The following TTLL5 variants were observed in gnomAD, a reference collection of about 807,000 sequenced individuals.
TTLL5 encodes the protein tubulin tyrosine ligase like 5.
TTLL5 carries 132 observed loss-of-function variants against 168.4 expected under a neutral mutation model. The ratio of observed to expected loss-of-function variants is 0.78; its 90% CI spans 0.68 to 0.91. The LOEUF is 0.91. TTLL5 is among the 40% of genes least tolerant of loss of function. The pLI is 0.00. For synonymous variants in TTLL5, 546 were observed against 558.6 expected (o/e 0.98, Z 0.32); for missense variants, 1,545 against 1,581.5 (o/e 0.98, Z 0.39).
At chr14:75,726,418 T>C (rs1211269001) in intron 12 of TTLL5, among the ~76,000 whole-genome samples, 1 of 152,220 alleles carries the variant, frequency 6.6e-6, no homozygotes, top group Non-Finnish European at 1.5e-5. Context: ...TATATTTTTT[T>C]CATTCAGTAT....
chr14:75,744,367 G>A (rs997019035), intron 15 of TTLL5: 2 of 152,080 alleles, frequency 1.3e-5, no homozygotes, highest in African/African-American at 2.4e-5. Flanking sequence ...CTTAAAACTT[G>A]TGTTTTCAGA....
intron 29 of TTLL5, among the ~76,000 whole-genome samples, chr14:75,875,153 T>G (rs1410628164): frequency 6.7e-6 from 1 of 149,436 alleles, no homozygotes; most frequent in East Asian, 2.0e-4. Context: ...CAGGATGGTC[T>G]CGATCTCCTG....
At chr14:75,761,554 C>T (rs1323842282) in intron 18 of TTLL5, among the ~76,000 whole-genome samples, 1 of 152,146 alleles carries the variant, frequency 6.6e-6, no homozygotes, top group Non-Finnish European at 1.5e-5. Context: ...ATCTCAAAAG[C>T]ATGCTGAGTG....
intron 31 of TTLL5, 30 bp downstream of exon 31, chr14:75,902,254 G>A: frequency 6.2e-7 from 1 of 1,609,580 alleles, no homozygotes; most frequent in Non-Finnish European, 8.5e-7. Flanking sequence ...TCTGCAACTG[G>A]ATAGATGACA....
At chr14:75,734,719 A>G (rs1348652716) in intron 14 of TTLL5, among the ~76,000 whole-genome samples, 1 of 152,244 alleles carries the variant, frequency 6.6e-6, no homozygotes, top group African/African-American at 2.4e-5. Flanking sequence ...ATAATCTACA[A>G]AGCCAATTTT....
chr14:75,705,226 C>T (rs118010013), intron 7 of TTLL5, among the ~76,000 whole-genome samples: 1,915 of 152,208 alleles, frequency 0.013, 17 homozygotes, highest in South Asian at 0.035. Flanking sequence ...TCCTATGATG[C>T]GTAGAGATGG....
At chr14:75,869,619 A>G (rs2030843538) in intron 29 of TTLL5, among the ~76,000 whole-genome samples, 1 of 152,072 alleles carries the variant, frequency 6.6e-6, no homozygotes, top group Non-Finnish European at 1.5e-5. Flanking sequence ...AAAGCATAGT[A>G]TCAGTTAGAT....
chr14:75,922,117 C>T (rs539107440), intron 31 of TTLL5, among the ~76,000 whole-genome samples: 8 of 152,280 alleles, frequency 5.3e-5, no homozygotes, highest in African/African-American at 1.9e-4. Flanking sequence ...TGCTTATCAG[C>T]TTAAGGAGAT....
intron 7 of TTLL5, among the ~76,000 whole-genome samples, chr14:75,699,889 A>G (rs1466261700): frequency 1.3e-5 from 2 of 152,136 alleles, no homozygotes; most frequent in East Asian, 3.9e-4. Flanking sequence ...CTGGACTTAC[A>G]ATAGTAGTTA....
intron 31 of TTLL5, among the ~76,000 whole-genome samples, chr14:75,903,299 C>G (rs1296525317): frequency 6.6e-6 from 1 of 151,838 alleles, no homozygotes; most frequent in East Asian, 1.9e-4. Context: ...GACGAGTCAG[C>G]CAGGAGAGGA....
chr14:75,951,667 T>A (rs919810005), intron 31 of TTLL5, among the ~76,000 whole-genome samples: 16 of 151,984 alleles, frequency 1.1e-4, no homozygotes, highest in Non-Finnish European at 2.4e-4. Context: ...GAGGCTGAGG[T>A]GGGAGGATTG....
chr14:75,735,256 G>A lies in TTLL5; in HGVS notation c.1248G>A (p.Glu416=). 1.9e-6 allele frequency: 3 copies of A among 1,614,192 alleles called. No individual in the cohort carries two copies. Among genetic ancestry groups the A allele is most frequent in the South Asian group, 2.2e-5 (2 of 91,088 alleles). ...CTCGGCCAATTTATCCCACCTTTGA[G>A]TCTTCCAGGCGAAACCCTTTCCAGA... ...ASTRPIYPTF[E]SSRRNPFQKP... Residue 416 remains glutamate, a synonymous_variant, in exon 15 of 32, where the codon GAG becomes GAA. Transcript: ENST00000298832.
chr14:75,689,433 C>G (rs1404676083), intron 5 of TTLL5: 1 of 152,102 alleles, frequency 6.6e-6, no homozygotes, highest in African/African-American at 2.4e-5. Flanking sequence ...CAATAAATAA[C>G]TAAAACAACT....
intron 30 of TTLL5, among the ~76,000 whole-genome samples, chr14:75,889,756 G>A (rs929560876): frequency 1.3e-5 from 2 of 150,990 alleles, no homozygotes; most frequent in Non-Finnish European, 2.9e-5. Context: ...CTCGAGCCTG[G>A]GATGTGGAGG....
At chr14:75,738,117 A>G (rs1035388164) in intron 15 of TTLL5, among the ~76,000 whole-genome samples, 1 of 152,222 alleles carries the variant, frequency 6.6e-6, no homozygotes, top group Admixed American at 6.5e-5. Flanking sequence ...AGTGTCTCAG[A>G]TGCTACCTTT....
chr14:75,680,948 T>G (rs1884563826), intron 3 of TTLL5, among the ~76,000 whole-genome samples: 1 of 152,084 alleles, frequency 6.6e-6, no homozygotes, highest in Non-Finnish European at 1.5e-5. Flanking sequence ...TTTTTAACCT[T>G]TTTGGTACAA....
intron 18 of TTLL5, among the ~76,000 whole-genome samples, chr14:75,755,123 G>T (rs964032368): frequency 5.3e-5 from 8 of 152,036 alleles, no homozygotes; most frequent in Non-Finnish European, 1.0e-4. Context: ...AATTAGCCAG[G>T]CTTGGTGGCG....
chr14:75,855,529 A>T (rs1323664916), intron 28 of TTLL5, among the ~76,000 whole-genome samples: 1 of 152,224 alleles, frequency 6.6e-6, no homozygotes, highest in Non-Finnish European at 1.5e-5. Context: ...CAAAATCTGC[A>T]GTCTAACTGG....
intron 29 of TTLL5, among the ~76,000 whole-genome samples, chr14:75,882,421 T>G (rs117294931): frequency 0.015 from 2,218 of 152,364 alleles, 18 homozygotes; most frequent in South Asian, 0.025. Flanking sequence ...TTCACGCATG[T>G]GGACCAACAC....
Sources: allele counts gnomAD v4.1 joint callset (sites outside exome capture counted in the v4.1 genomes callset), GRCh38; gene constraint gnomAD v4.1.1; transcripts MANE v1.5; gene names NCBI Gene and HGNC (gene_info 2026-07-23, HGNC 2026-07-21).